OPCML: variants seen among roughly 807,000 people sequenced by gnomAD.
The protein encoded by OPCML is opioid binding protein/cell adhesion molecule like.
OPCML carries 13 observed loss-of-function variants against 37.8 expected under a neutral mutation model. That is an observed-to-expected ratio of 0.34 (90% confidence interval 0.22 to 0.55). OPCML has a LOEUF of 0.55. Among genes scored for constraint, OPCML ranks in the 20% least tolerant of loss-of-function variants. OPCML has a pLI of 0.91. For synonymous variants in OPCML, 176 were observed against 168.8 expected, an observed-to-expected ratio of 1.04 and a Z score of -0.33; for missense variants, 341 against 435.6, an observed-to-expected ratio of 0.78 and a Z score of 1.93.
intron 1 of OPCML, among the ~76,000 whole-genome samples, chr11:133,183,680 C>A (rs1181465830): frequency 6.6e-6 from 1 of 152,074 alleles, no homozygotes; most frequent in African/African-American, 2.4e-5. Flanking sequence ...CAAAGGATTA[C>A]AAGGTTGAGT....
At chr11:132,712,141 A>G (rs1220619470) in intron 2 of OPCML, among the ~76,000 whole-genome samples, 2 of 152,222 alleles carry the variant, frequency 1.3e-5, no homozygotes, top group Non-Finnish European at 2.9e-5. Context: ...GTACAGCTAT[A>G]TCTCACAGAA....
At chr11:132,702,495 T>C (rs1943867777) in intron 2 of OPCML, among the ~76,000 whole-genome samples, 1 of 152,204 alleles carries the variant, frequency 6.6e-6, no homozygotes, top group South Asian at 2.1e-4. Flanking sequence ...CGTTCTTTCT[T>C]TGTCTTTGAC....
chr11:133,512,121 A>G (rs1948173663), intron 1 of OPCML, among the ~76,000 whole-genome samples: 1 of 152,174 alleles, frequency 6.6e-6, no homozygotes, highest in African/African-American at 2.4e-5. Flanking sequence ...TTGGTTCCAT[A>G]AGACTACTCC....
At chr11:132,519,835 C>T (rs973137940) in intron 4 of OPCML, among the ~76,000 whole-genome samples, 1 of 152,164 alleles carries the variant, frequency 6.6e-6, no homozygotes, top group African/African-American at 2.4e-5. Context: ...AACAAGGCTC[C>T]TAGCTGCCTT....
chr11:132,429,750 G>C (rs1431772287), intron 7 of OPCML, among the ~76,000 whole-genome samples: 1 of 152,160 alleles, frequency 6.6e-6, no homozygotes, highest in Non-Finnish European at 1.5e-5. Context: ...ACCTTCCCTA[G>C]AGATTTCGAT....
intron 2 of OPCML, among the ~76,000 whole-genome samples, chr11:132,666,069 T>G (rs1328831103): frequency 6.6e-6 from 1 of 152,140 alleles, no homozygotes; most frequent in Admixed American, 6.5e-5. Flanking sequence ...GAGGTAGCAA[T>G]ATGCAATACA....
intron 2 of OPCML, among the ~76,000 whole-genome samples, chr11:132,820,915 T>C (rs2136247773): frequency 6.6e-6 from 1 of 152,290 alleles, no homozygotes; most frequent in South Asian, 2.1e-4. Context: ...GCATGTATGT[T>C]TAACCCAGAT....
At chr11:132,640,717 G>A (rs938539999) in intron 3 of OPCML, among the ~76,000 whole-genome samples, 8 of 152,130 alleles carry the variant, frequency 5.3e-5, no homozygotes, top group Non-Finnish European at 1.0e-4. Context: ...CAGTAGTTAC[G>A]GTGTGGTGTG....
At chr11:132,683,659 G>T (rs1943046276) in intron 2 of OPCML, among the ~76,000 whole-genome samples, 1 of 152,144 alleles carries the variant, frequency 6.6e-6, no homozygotes, top group Admixed American at 6.5e-5. Context: ...CATTCAATTT[G>T]CTTATTACTA....
chr11:132,671,889 G>T (rs1481979472), intron 2 of OPCML, among the ~76,000 whole-genome samples: 3 of 152,152 alleles, frequency 2.0e-5, no homozygotes, highest in African/African-American at 7.2e-5. Context: ...AAATGCATAT[G>T]TAGAAAATGT....
intron 1 of OPCML, among the ~76,000 whole-genome samples, chr11:133,244,393 T>C (rs1565526276): frequency 6.6e-6 from 1 of 152,218 alleles, no homozygotes; most frequent in South Asian, 2.1e-4. Flanking sequence ...TAGCCATTAG[T>C]ATTGTTAACT....
At chr11:133,235,410 T>C (rs1283335312) in intron 1 of OPCML, among the ~76,000 whole-genome samples, 1 of 151,588 alleles carries the variant, frequency 6.6e-6, no homozygotes, top group African/African-American at 2.4e-5. Context: ...ATGGGGACCA[T>C]GGAATGAGAA....
intron 3 of OPCML, among the ~76,000 whole-genome samples, chr11:132,656,166 G>A (rs919240845): frequency 4.6e-5 from 7 of 152,102 alleles, no homozygotes; most frequent in Admixed American, 3.3e-4. Context: ...CATTCCTGCC[G>A]TGAGCCAACA....
chr11:132,904,766 T>C (rs1944177737), intron 2 of OPCML, among the ~76,000 whole-genome samples: 1 of 152,212 alleles, frequency 6.6e-6, no homozygotes. Flanking sequence ...CTGACCTAGT[T>C]AGCAGCCCGC....
Position 133,253,830 on chromosome 11 carries a change from ATTCCCTTCCC to A in OPCML, c.61+278424_61+278433del, listed in dbSNP as rs1210025761. Among the ~76,000 whole-genome samples the A allele has an allele frequency of 4.1e-3, 295 of 71,916 alleles. 2 individuals carry two copies. Among genetic ancestry groups the A allele is most frequent in the African/African-American group, 0.014 (253 of 18,344 alleles). 47.2% of individuals were successfully genotyped at this position (71,916 alleles called of 152,430 possible). A position where few individuals can be genotyped will look rare whatever the true frequency, so the allele number is the denominator to read the frequency against. On this transcript the variant is annotated intron_variant, in intron 1 of 7. Coordinates refer to ENST00000524381, the MANE Select transcript of OPCML (RefSeq NM_001012393.5). ...TTTTTCCCTCCTTCCCTTCCCTTCC[ATTCCCTTCCC>A]TTCCCTTCCCTTCCCTTCCCTTCCC... is the stretch of plus-strand genomic sequence containing the variant.
chr11:133,216,588 C>T (rs1939594649), intron 1 of OPCML, among the ~76,000 whole-genome samples: 1 of 152,128 alleles, frequency 6.6e-6, no homozygotes, highest in Non-Finnish European at 1.5e-5. Flanking sequence ...TTATTCCTTA[C>T]ATTTGTATGG....
At chr11:132,674,951 G>A (rs552192192) in intron 2 of OPCML, among the ~76,000 whole-genome samples, 1 of 152,140 alleles carries the variant, frequency 6.6e-6, no homozygotes, top group Admixed American at 6.6e-5. Flanking sequence ...TTGTGAATAA[G>A]CTTTTCCACT....
At chr11:132,549,080 A>G (rs2096375551) in intron 3 of OPCML, among the ~76,000 whole-genome samples, 1 of 152,124 alleles carries the variant, frequency 6.6e-6, no homozygotes, top group African/African-American at 2.4e-5. Context: ...TAGACACAGG[A>G]TGAGATAAGA....
intron 1 of OPCML, among the ~76,000 whole-genome samples, chr11:133,304,550 G>T (rs569797190): frequency 6.6e-6 from 1 of 152,128 alleles, no homozygotes; most frequent in African/African-American, 2.4e-5. Context: ...ATTCTATGCC[G>T]ATGCCTTCTT....
Sources: allele counts gnomAD v4.1 joint callset (sites outside exome capture counted in the v4.1 genomes callset), GRCh38; gene constraint gnomAD v4.1.1; transcripts MANE v1.5; gene names NCBI Gene and HGNC (gene_info 2026-07-23, HGNC 2026-07-21).